The following NELL1 variants were observed in gnomAD, a reference collection of about 807,000 sequenced individuals.
The protein encoded by NELL1 is neural EGFL like 1.
Under a neutral mutation model 107.4 loss-of-function variants are expected in NELL1, and 76 were observed. That is an observed-to-expected ratio of 0.71 (90% CI 0.59 to 0.86). The LOEUF (loss-of-function observed/expected upper bound fraction) is 0.86, where lower values mean the gene tolerates loss of function less well. Ranked by LOEUF, NELL1 falls within the 40% of genes least tolerant of loss-of-function variation. NELL1 has a pLI of 0.00. For missense variants in NELL1, 1,024 were observed against 1,005.5 expected (o/e 1.02, Z -0.25); for synonymous variants, 353 against 341.2 (o/e 1.03, Z -0.38).
At chr11:21,173,990 T>C (rs1856660486) in intron 13 of NELL1, among the ~76,000 whole-genome samples, 1 of 151,814 alleles carries the variant, frequency 6.6e-6, no homozygotes, top group Non-Finnish European at 1.5e-5. Context: ...ATTTAATCCT[T>C]ACAAACAATT....
intron 14 of NELL1, among the ~76,000 whole-genome samples, chr11:21,274,183 G>A (rs1489096333): frequency 6.6e-6 from 1 of 152,072 alleles, no homozygotes; most frequent in Non-Finnish European, 1.5e-5. Flanking sequence ...ACACACATAG[G>A]CTCAAAATAA....
chr11:20,800,114 G>A lies in NELL1; in HGVS notation c.335+16284G>A, dbSNP rs529718818. Among the ~76,000 whole-genome samples the A allele has an allele frequency of 1.4e-3, 218 of 152,238 alleles. 5 individuals carry two copies. Among genetic ancestry groups the A allele is most frequent in the Admixed American group, 0.014 (208 of 15,288 alleles). On this transcript the variant is annotated intron_variant, in intron 3 of 19. Transcript: ENST00000357134. ...TTCTTTATCCAATCCACCATTGATG[G>A]GCACCTAGGTTGATTCCATGTCTTT...
At chr11:21,438,620 A>G (rs926791682) in intron 15 of NELL1, among the ~76,000 whole-genome samples, 1 of 152,018 alleles carries the variant, frequency 6.6e-6, no homozygotes, top group African/African-American at 2.4e-5. Flanking sequence ...ACTTGATCAT[A>G]TTGCATATGT....
chr11:21,055,849 GC>G (rs1853602703), intron 12 of NELL1, among the ~76,000 whole-genome samples: 1 of 152,062 alleles, frequency 6.6e-6, no homozygotes, highest in Admixed American at 6.6e-5. Context: ...ATTTAAAAAT[GC>G]TTTTTTGGTT....
At position 20,764,609 on chromosome 11, in the gene NELL1, A is replaced by AC. The variant is rs984747171; in HGVS notation, c.185-19069dup. On this transcript the variant is annotated intron_variant, in intron 2 of 19. Coordinates refer to ENST00000357134, the MANE Select transcript of NELL1 (RefSeq NM_006157.5). ...TATTGACACCTGGCCTACACCCCAG[A>AC]CCTTTTTTTTTTTTTTTGAGTCTCT... Among the ~76,000 whole-genome samples, 8 of 131,092 alleles carry AC rather than the reference A, an allele frequency of 6.1e-5. No homozygotes were observed. The East Asian group carries it at 1.5e-3, about 25-fold the overall frequency. 86.0% of individuals were successfully genotyped at this position (131,092 alleles called of 152,430 possible). A position where few individuals can be genotyped will look rare whatever the true frequency, so the allele number is the denominator to read the frequency against.
chr11:20,868,679 C>T (rs574630334), intron 4 of NELL1, among the ~76,000 whole-genome samples: 119 of 151,934 alleles, frequency 7.8e-4, no homozygotes, highest in South Asian at 4.6e-3. Context: ...TATTAAAAAT[C>T]GCAATGCAAG....
At chr11:21,465,025 G>A (rs563111703) in intron 15 of NELL1, among the ~76,000 whole-genome samples, 1 of 152,182 alleles carries the variant, frequency 6.6e-6, no homozygotes, top group African/African-American at 2.4e-5. Context: ...TATACCCAAT[G>A]CCTAGTAGAG....
At chr11:21,559,122 A>G (rs992928202) in intron 16 of NELL1, among the ~76,000 whole-genome samples, 6 of 152,156 alleles carry the variant, frequency 3.9e-5, no homozygotes, top group Non-Finnish European at 8.8e-5. Context: ...AGTAACTTCT[A>G]GAAATATTAT....
At chr11:21,478,322 A>C (rs906749646) in intron 15 of NELL1, among the ~76,000 whole-genome samples, 11 of 152,138 alleles carry the variant, frequency 7.2e-5, no homozygotes, top group African/African-American at 2.7e-4. Flanking sequence ...TGGGGACAGA[A>C]GGCCAAACCA....
intron 5 of NELL1, among the ~76,000 whole-genome samples, chr11:20,907,577 A>C (rs1233600563): frequency 6.6e-6 from 1 of 152,282 alleles, no homozygotes; most frequent in South Asian, 2.1e-4. Flanking sequence ...TCCTATTAGA[A>C]AATAAGGGGA....
In NELL1 at chr11:20,975,699, TTATATAATATACATATTA is replaced by T. The variant is rs1462034481; in HGVS notation, c.1300+15145_1300+15162del. Among the ~76,000 whole-genome samples, 359 of 101,088 alleles carry T rather than the reference TTATATAATATACATATTA, an allele frequency of 3.6e-3. 17 individuals carry two copies. The highest frequency in any genetic ancestry group is 0.014 in the African/African-American group (337 of 23,292). 66.3% of individuals were successfully genotyped at this position (101,088 alleles called of 152,430 possible). Reference sequence around the variant, plus strand: ...ATATATGTATTATATAATGTATGTATTATATAATATACATATTATATATGTATTATATAATGTATGTAT... The same window carrying T: ...ATATATGTATTATATAATGTATGTATTATATGTATTATATAATGTATGTAT... On this transcript the variant is annotated intron_variant, in intron 12 of 19. Transcript: ENST00000357134.
intron 15 of NELL1, among the ~76,000 whole-genome samples, chr11:21,506,620 T>C (rs1855285588): frequency 6.6e-6 from 1 of 152,156 alleles, no homozygotes. Context: ...TGGGAATAAA[T>C]AAGATAACAT....
intron 15 of NELL1, among the ~76,000 whole-genome samples, chr11:21,415,496 A>G (rs1852495170): frequency 6.6e-6 from 1 of 152,038 alleles, no homozygotes; most frequent in African/African-American, 2.4e-5. Flanking sequence ...ATCTAGATTA[A>G]AAATGTAGTG....
At chr11:21,542,551 G>A (rs1003206718) in intron 16 of NELL1, among the ~76,000 whole-genome samples, 1 of 152,042 alleles carries the variant, frequency 6.6e-6, no homozygotes, top group African/African-American at 2.4e-5. Context: ...GCGATGGGCA[G>A]GATAACTACG....
At chr11:21,292,931 A>G (rs916790206) in intron 14 of NELL1, among the ~76,000 whole-genome samples, 3 of 152,152 alleles carry the variant, frequency 2.0e-5, no homozygotes, top group Non-Finnish European at 4.4e-5. Flanking sequence ...AAAAATTAAG[A>G]TGGATTAAAG....
chr11:20,867,776 T>C (rs1014750638), intron 4 of NELL1, among the ~76,000 whole-genome samples: 2 of 152,200 alleles, frequency 1.3e-5, no homozygotes, highest in Admixed American at 6.5e-5. Flanking sequence ...ACATGTCTCT[T>C]GAGATCCTTC....
intron 15 of NELL1, among the ~76,000 whole-genome samples, chr11:21,520,432 C>A (rs1171704384): frequency 1.3e-5 from 2 of 152,112 alleles, no homozygotes; most frequent in Non-Finnish European, 2.9e-5. Context: ...TGATAAGAAT[C>A]TCTCCCTTTG....
At chr11:21,456,741 TTGTAGCAGAAATGTTG>T (rs1853754548) in intron 15 of NELL1, among the ~76,000 whole-genome samples, 1 of 152,124 alleles carries the variant, frequency 6.6e-6, no homozygotes, top group African/African-American at 2.4e-5. Flanking sequence ...AAGGCAGGGC[TTGTAGCAGAAATGTTG>T]AAAGGGTGCA....
intron 14 of NELL1, among the ~76,000 whole-genome samples, chr11:21,270,895 G>A (rs527723913): frequency 1.6e-4 from 25 of 151,960 alleles, no homozygotes; most frequent in African/African-American, 4.8e-4. Flanking sequence ...AAATTATTGG[G>A]GATTAAACAA....
Sources: gnomAD v4.1 joint callset for allele counts (sites outside exome capture counted in the v4.1 genomes callset) on GRCh38, gnomAD v4.1.1 for gene constraint, MANE v1.5 for transcripts, NCBI Gene and HGNC (gene_info 2026-07-23, HGNC 2026-07-21) for gene names.